Variants in AASDH observed in about 807,000 individuals in gnomAD.
AASDH encodes beta-alanine-activating enzyme.
Under a neutral mutation model 102.3 loss-of-function variants are expected in AASDH, and 81 were observed. The observed-to-expected ratio is 0.79, with a 90% CI of 0.66 to 0.95. The LOEUF is 0.95. AASDH is among the 40% of genes least tolerant of loss of function. The pLI, the probability that AASDH is intolerant of heterozygous loss-of-function variation, is 0.00. For synonymous variants in AASDH, 398 were observed against 454.0 expected (o/e 0.88, Z 1.57); for missense variants, 1,203 against 1,266.2 (o/e 0.95, Z 0.76).
intron 5 of AASDH, among the ~76,000 whole-genome samples, chr4:56,368,842 G>A (rs1438865472): frequency 2.0e-5 from 3 of 148,206 alleles, no homozygotes; most frequent in Non-Finnish European, 4.5e-5. Context: ...CCTGCACGTT[G>A]TACACATGTA....
Position 56,349,936 on chromosome 4 carries a change from T to C in AASDH, c.1815A>G (p.Thr605=), listed in dbSNP as rs1748802696. 3 of 1,613,932 alleles carry C rather than the reference T, an allele frequency of 1.9e-6. No homozygotes were observed. The highest frequency in any genetic ancestry group is 1.3e-5 in the African/African-American group (1 of 74,932). ...LLSEIEKLVG[T]SVPGLLEIIL... ...TAATTTCCAGAAGCCCAGGTACTGA[T>C]GTACCAACAAGTTTTTCAATCTCAC... Residue 605 remains threonine (T), a synonymous_variant, in exon 11 of 15, where the codon ACA becomes ACG. Coordinates refer to ENST00000205214, the MANE Select transcript of AASDH (RefSeq NM_181806.4).
At chr4:56,363,263 G>GGCCT (rs1209903446) in intron 5 of AASDH, among the ~76,000 whole-genome samples, 1 of 152,198 alleles carries the variant, frequency 6.6e-6, no homozygotes, top group African/African-American at 2.4e-5. Flanking sequence ...AGCTCAAGGA[G>GGCCT]GCCTGCCTGC....
intron 5 of AASDH, among the ~76,000 whole-genome samples, chr4:56,358,899 T>C (rs1434641682): frequency 6.6e-6 from 1 of 152,204 alleles, no homozygotes; most frequent in Non-Finnish European, 1.5e-5. Flanking sequence ...TTATTGAAAG[T>C]GGGGTATTAC....
rs1748216711 is a variant in AASDH, at chr4:56,345,396, G to T, written c.2489-106C>A. The T allele has an allele frequency of 4.7e-6, 5 of 1,063,460 alleles. No homozygotes were observed. In the South Asian group the frequency reaches 8.5e-5, roughly 18 times the overall value. 65.9% of individuals were successfully genotyped at this position (1,063,460 alleles called of 1,614,324 possible). On this transcript the variant is annotated intron_variant, in intron 11 of 14. Transcript: ENST00000205214. Reference sequence around the variant, plus strand: ...TATTCAGTCCTCCTCTTATACATAGGCTCTATGATAAGCTCATCTGGCTTA... The same window carrying T: ...TATTCAGTCCTCCTCTTATACATAGTCTCTATGATAAGCTCATCTGGCTTA...
intron 5 of AASDH, among the ~76,000 whole-genome samples, chr4:56,364,468 GA>G (rs1750733185): frequency 6.6e-6 from 1 of 152,174 alleles, no homozygotes. Flanking sequence ...CAGCCAGAGA[GA>G]AAGGTCGGGT....
At chr4:56,364,439 A>C (rs1480545836) in intron 5 of AASDH, among the ~76,000 whole-genome samples, 1 of 152,232 alleles carries the variant, frequency 6.6e-6, no homozygotes, top group Non-Finnish European at 1.5e-5. Context: ...AGTTGAAATT[A>C]AGGAAAAAAT....
intron 3 of AASDH, chr4:56,381,908 G>T (rs1753013844): frequency 6.6e-6 from 1 of 151,984 alleles, no homozygotes; most frequent in African/African-American, 2.4e-5. Flanking sequence ...TATATCTTTG[G>T]TTGGCAATCA....
At chr4:56,374,714 A>G (rs1173606367) in intron 4 of AASDH, among the ~76,000 whole-genome samples, 3 of 152,190 alleles carry the variant, frequency 2.0e-5, no homozygotes, top group Admixed American at 2.0e-4. Flanking sequence ...GTAAACTGCT[A>G]TATGCACAGG....
At chr4:56,370,397 A>C (rs1349947557) in intron 5 of AASDH, among the ~76,000 whole-genome samples, 1 of 152,054 alleles carries the variant, frequency 6.6e-6, no homozygotes, top group Non-Finnish European at 1.5e-5. Context: ...AGAGAGAGAA[A>C]GAAAGAAAGA....
chr4:56,349,076 G>A, intron 11 of AASDH, 187 bp downstream of exon 11: 1 of 631,356 alleles, frequency 1.6e-6, no homozygotes, highest in Non-Finnish European at 2.7e-6. Flanking sequence ...AGCTATACAG[G>A]TAGGTTCAAA....
chr4:56,371,758 A>G, intron 4 of AASDH, 115 bp from the exon 5 acceptor site: 1 of 1,003,282 alleles, frequency 1.0e-6, no homozygotes, highest in East Asian at 3.0e-5. Flanking sequence ...GCCAGATTTT[A>G]TTCTTCTCTC....
chr4:56,345,389 T>C lies in AASDH; in HGVS notation c.2489-99A>G, dbSNP rs989785689. ...CAATTTATATTCAGTCCTCCTCTTA[T>C]ACATAGGCTCTATGATAAGCTCATC... is the stretch of plus-strand genomic sequence containing the variant. On this transcript the variant is annotated intron_variant, in intron 11 of 14. Transcript: ENST00000205214. 14 of 1,140,780 alleles carry C rather than the reference T, an allele frequency of 1.2e-5. No homozygotes were observed. The African/African-American group carries it at 2.0e-4, about 16-fold the overall frequency. The allele number at this position is 1,140,780 out of a possible 1,614,324, so 70.7% of individuals were successfully genotyped here.
rs1288543533 is a variant in AASDH, at chr4:56,378,237, G to C, written c.579C>G (p.Ala193=). ...HMDLRLKHCL[A]YVLHTSGTTG... ...TAGTCCCTGATGTATGTAGAACATAGGCTAAGCAATGCTTTAGCCTCAGAT... is the reference window on the plus strand; with the variant it reads ...TAGTCCCTGATGTATGTAGAACATACGCTAAGCAATGCTTTAGCCTCAGAT... The change falls in exon 4 of 15, where the codon GCC becomes GCG. Residue 193 remains alanine (A), a synonymous_variant. Transcript: ENST00000205214. 2 of 1,614,208 alleles carry C rather than the reference G, an allele frequency of 1.2e-6. No individual in the cohort carries two copies. The highest frequency in any genetic ancestry group is 4.5e-5 in the East Asian group (2 of 44,892).
At chr4:56,383,973 G>C in intron 2 of AASDH, 97 bp downstream of exon 2, 8 of 1,030,890 alleles carry the variant, frequency 7.8e-6, no homozygotes, top group Non-Finnish European at 1.1e-5. Flanking sequence ...ATATAGAAAA[G>C]TCCAATAGTA....
At chr4:56,367,549 T>G (rs1751165182) in intron 5 of AASDH, among the ~76,000 whole-genome samples, 1 of 125,514 alleles carries the variant, frequency 8.0e-6, no homozygotes, top group Non-Finnish European at 1.7e-5. Context: ...AACAGAGCCC[T>G]CAGAAATAAT....
At chr4:56,354,623 G>T in intron 7 of AASDH, 82 bp downstream of exon 7, 2 of 1,046,468 alleles carry the variant, frequency 1.9e-6, no homozygotes, top group South Asian at 3.2e-5. Context: ...ATAGACAAAA[G>T]AAAAAGACGA....
At chr4:56,343,295 C>A (rs143721834) in intron 13 of AASDH, among the ~76,000 whole-genome samples, 1 of 151,804 alleles carries the variant, frequency 6.6e-6, no homozygotes, top group South Asian at 2.1e-4. Flanking sequence ...GCTGAGATTG[C>A]GCCACTGCAC....
In AASDH at chr4:56,354,815, T is replaced by A; in HGVS notation, c.1104-4A>T. On this transcript the variant is annotated splice_polypyrimidine_tract_variant and splice_region_variant and intron_variant, in intron 6 of 14. Transcript: ENST00000205214. ...CAGTTGTACAGGCAATTCACATCTA[T>A]GAAAATAAGATACAGAGCAGATTTA... 3 of 1,589,074 alleles carry A rather than the reference T, an allele frequency of 1.9e-6. No individual in the cohort carries two copies. Among genetic ancestry groups the A allele is most frequent in the Non-Finnish European group, 2.6e-6 (3 of 1,167,994 alleles).
At chr4:56,374,273 CAGA>C (rs1229479005) in intron 4 of AASDH, among the ~76,000 whole-genome samples, 2 of 144,308 alleles carry the variant, frequency 1.4e-5, no homozygotes, top group Non-Finnish European at 1.5e-5. Context: ...GAGGCTGAGG[CAGA>C]AGAATAGCTT....
Sources: gnomAD v4.1 joint callset for allele counts (sites outside exome capture counted in the v4.1 genomes callset) on GRCh38, gnomAD v4.1.1 for gene constraint, MANE v1.5 for transcripts, NCBI Gene and HGNC (gene_info 2026-07-23, HGNC 2026-07-21) for gene names.